CCDC40: variants seen among roughly 807,000 people sequenced by gnomAD.
The protein encoded by CCDC40 is coiled-coil domain-containing protein 40.
CCDC40 carries 104 observed loss-of-function variants against 124.5 expected under a neutral mutation model. That is an observed-to-expected ratio of 0.84 (90% CI 0.71 to 0.98). CCDC40 has a LOEUF of 0.98. Ranked by LOEUF, CCDC40 falls within the 50% of genes least tolerant of loss-of-function variation. The pLI is 0.00. For synonymous variants in CCDC40, 580 were observed against 602.9 expected (o/e 0.96, Z 0.56); for missense variants, 1,463 against 1,503.9 (o/e 0.97, Z 0.45).
chr17:80,051,332 A>G, intron 7 of CCDC40: 1 of 978,444 alleles, frequency 1.0e-6, no homozygotes, highest in Non-Finnish European at 1.2e-6. Context: ...GTGGGCACTT[A>G]TCAAGCACCT....
chr17:80,048,656 G>A lies in CCDC40; in HGVS notation c.750G>A (p.Gln250=). The stretch of plus-strand genomic sequence containing the variant: ...CAGTGTTCCAGGACCAGATCCAGCA[G>A]CCCAGCACCGAGGAGGGGGCCATGG... ...DLPVFQDQIQ[Q]PSTEEGAMAE... The change falls in exon 5 of 20, where the codon CAG becomes CAA. Residue 250 remains glutamine, a synonymous_variant. Transcript: ENST00000397545. The A allele has an allele frequency of 6.2e-7, 1 of 1,614,108 alleles. No homozygotes were observed. The highest frequency in any genetic ancestry group is 8.5e-7 in the Non-Finnish European group (1 of 1,180,022).
chr17:80,037,358 A>G (rs1381576241), intron 1 of CCDC40, among the ~76,000 whole-genome samples: 1 of 152,176 alleles, frequency 6.6e-6, no homozygotes, highest in Non-Finnish European at 1.5e-5. Context: ...ACGATTGGAA[A>G]GAGTTTGGCC....
rs745594044 is a variant in CCDC40, at chr17:80,095,337, G to T, written c.2907G>T (p.Glu969Asp). Residue 969 changes from glutamate (E) to aspartate (D), a missense_variant, in exon 18 of 20, where the codon GAG (glutamate) becomes GAT (aspartate). By Grantham distance (45) the Glu-to-Asp change is conservative (BLOSUM62 2). Transcript: ENST00000397545. ...TGGAGTTGGCGGTTGCCCGCAGAGA[G>T]ACCGTCACCACCCAGGCCGAGGGGC... ...RAMELAVARR[E>D]TVTTQAEGQR... The T allele has an allele frequency of 6.2e-7, 1 of 1,614,134 alleles. No homozygotes were observed.
chr17:80,048,597 G>T lies in CCDC40; in HGVS notation c.691G>T (p.Val231Leu), dbSNP rs2037491545. 6.2e-7 allele frequency: 1 copy of T among 1,613,748 alleles called. No homozygotes were observed. Among genetic ancestry groups the T allele is most frequent in the Non-Finnish European group, 8.5e-7 (1 of 1,179,904 alleles). Residue 231 changes from valine (V) to leucine (L), a missense_variant, in exon 5 of 20, where the codon GTG becomes TTG. By Grantham distance (32) the Val-to-Leu change is conservative. Transcript: ENST00000397545. ...VSQEPVIPPGVPDAHPREGDL... is the reference protein window; with the variant it reads ...VSQEPVIPPGLPDAHPREGDL... ...TCTCCCCCCAGTGATCCCCCCAGGG[G>T]TGCCCGATGCCCACCCCAGGGAAGG...
intron 7 of CCDC40, among the ~76,000 whole-genome samples, chr17:80,057,575 G>C (rs1277719381): frequency 1.3e-5 from 2 of 152,034 alleles, no homozygotes; most frequent in African/African-American, 2.4e-5. Flanking sequence ...TTGCACTCCA[G>C]CTTTAGAAAT....
intron 10 of CCDC40, chr17:80,067,821 A>C: frequency 6.9e-7 from 1 of 1,439,276 alleles, no homozygotes; most frequent in Non-Finnish European, 9.1e-7. Flanking sequence ...ACAGCTCAGC[A>C]TGTTGTCACA....
Position 80,090,279 on chromosome 17 carries a change from A to C in CCDC40, c.2832+395A>C. On this transcript the variant is annotated intron_variant, in intron 17 of 19. Coordinates refer to ENST00000397545, the MANE Select transcript of CCDC40 (RefSeq NM_017950.4). ...GGGACGCGCGCGGGCACGTGCACGAACAACACGGGACGCGCGCAGGCACGT... is the reference window on the plus strand; with the variant it reads ...GGGACGCGCGCGGGCACGTGCACGACCAACACGGGACGCGCGCAGGCACGT... 17 of 1,304,868 alleles carry C rather than the reference A, an allele frequency of 1.3e-5. 4 individuals are homozygous for C. The highest frequency in any genetic ancestry group is 8.9e-5 in the East Asian group (3 of 33,718). The allele number at this position is 1,304,868 out of a possible 1,614,324, so 80.8% of individuals were successfully genotyped here.
intron 18 of CCDC40, 72 bp downstream of exon 18, chr17:80,095,523 G>T: frequency 6.9e-7 from 1 of 1,458,380 alleles, no homozygotes. Context: ...CCAGGAAGGC[G>T]TCTTGCTGGG....
At chr17:80,067,086 C>T (rs556862944) in intron 10 of CCDC40, 1 of 160,282 alleles carries the variant, frequency 6.2e-6, no homozygotes, top group Non-Finnish European at 1.4e-5. Flanking sequence ...GCCAGGTTCT[C>T]TCTGAGGGTC....
chr17:80,069,811 AAAAAG>A (rs762364650), intron 10 of CCDC40, among the ~76,000 whole-genome samples: 2,205 of 152,042 alleles, frequency 0.015, 54 homozygotes, highest in African/African-American at 0.051. Context: ...AGAGAGAGAA[AAAAAG>A]AAAGAAAGAA....
rs548958287 is a variant in CCDC40, at chr17:80,066,321, G to A, written c.1562+715G>A. 11 of 585,378 alleles carry A rather than the reference G, an allele frequency of 1.9e-5. No homozygotes were observed. Among genetic ancestry groups the A allele is most frequent in the Non-Finnish European group, 3.1e-5 (10 of 325,152 alleles). The allele number at this position is 585,378 out of a possible 1,614,324, so 36.3% of individuals were successfully genotyped here. On this transcript the variant is annotated intron_variant, in intron 10 of 19. Transcript: ENST00000397545. The surrounding 1 kb of genome is among the most constrained non-coding windows in gnomAD (Gnocchi z 4.4). ...GGGTCTGGCTGGCCCCACAGCACCC[G>A]CAGCCAGGCAGCCAGCAGCAGTCAC... is the stretch of plus-strand genomic sequence containing the variant.
In CCDC40 at chr17:80,058,953, C is replaced by G; in HGVS notation, c.1413C>G (p.Thr471=). 6.2e-7 allele frequency: 1 copy of G among 1,614,134 alleles called. No individual in the cohort carries two copies. Among genetic ancestry groups the G allele is most frequent in the Non-Finnish European group, 8.5e-7 (1 of 1,180,016 alleles). ...AGTACTTGGCCCAAGCTGAGGACACCCGGATTTTAAGGAAAGCAGTGAGTG... is the reference window on the plus strand; with the variant it reads ...AGTACTTGGCCCAAGCTGAGGACACGCGGATTTTAAGGAAAGCAGTGAGTG... ...EAQYLAQAED[T]RILRKAVSEA... is the part of the protein sequence containing the mutation. The change falls in exon 9 of 20, where the codon ACC becomes ACG. Residue 471 remains threonine (T), a synonymous_variant. Coordinates refer to ENST00000397545, the MANE Select transcript of CCDC40 (RefSeq NM_017950.4). This position sits in a 1 kb window ranked among gnomAD's most constrained non-coding sequence, Gnocchi z 4.2.
chr17:80,039,734 A>G, intron 2 of CCDC40, 78 bp from the exon 3 acceptor site: 1 of 1,540,262 alleles, frequency 6.5e-7, no homozygotes, highest in South Asian at 1.2e-5. Context: ...CATTGATATA[A>G]TTACACTATA....
In CCDC40 at chr17:80,058,573, C is replaced by T. The variant is rs751991087; in HGVS notation, c.1239C>T (p.Asp413=). The T allele has an allele frequency of 6.2e-6, 10 of 1,613,886 alleles. No homozygotes were observed. The highest frequency in any genetic ancestry group is 2.2e-5 in the East Asian group (1 of 44,894). The part of the protein sequence containing the change: ...YMQNIDQDMR[D]DIRVMTQVVK... ...AGAACATCGACCAGGACATGCGTGA[C>T]GACATCCGCGTGATGACACAAGTGG... The change falls in exon 8 of 20, where the codon GAC becomes GAT. Residue 413 remains aspartate, a synonymous_variant. Transcript: ENST00000397545. This position sits in a 1 kb window ranked among gnomAD's most constrained non-coding sequence, Gnocchi z 4.2.
intron 9 of CCDC40, among the ~76,000 whole-genome samples, chr17:80,063,942 G>A (rs754020406): frequency 2.6e-5 from 4 of 152,136 alleles, no homozygotes; most frequent in Non-Finnish European, 4.4e-5. Flanking sequence ...TACATGTGTC[G>A]AAATATCACT....
intron 1 of CCDC40, among the ~76,000 whole-genome samples, chr17:80,037,688 A>AAAAATATATATAT: frequency 2.2e-5 from 1 of 45,678 alleles, no homozygotes; most frequent in African/African-American, 5.9e-5. Flanking sequence ...TTTTTTAAAA[A>AAAAATATATATAT]AGATATACAT....
At chr17:80,099,420 G>T (rs961995346) in intron 19 of CCDC40, 107 bp from the exon 20 acceptor site, 7 of 1,337,010 alleles carry the variant, frequency 5.2e-6, no homozygotes, top group Non-Finnish European at 2.1e-6. Context: ...TCAGGCGTAG[G>T]TCTCGCCTCC....
intron 9 of CCDC40, among the ~76,000 whole-genome samples, chr17:80,059,804 C>T (rs2037851228): frequency 1.3e-5 from 2 of 152,106 alleles, no homozygotes; most frequent in African/African-American, 4.8e-5. Flanking sequence ...AGGTGATCCA[C>T]CCACCTCGGC....
chr17:80,050,123 G>C lies in CCDC40; in HGVS notation c.999G>C (p.Glu333Asp), dbSNP rs773514459. The C allele has an allele frequency of 1.2e-6, 2 of 1,613,912 alleles. No homozygotes were observed. The highest frequency in any genetic ancestry group is 1.3e-5 in the African/African-American group (1 of 75,040). Residue 333 changes from glutamate to aspartate, a missense_variant, in exon 7 of 20, where the codon GAG becomes GAC. By Grantham distance (45) the Glu-to-Asp change is conservative. Coordinates refer to ENST00000397545, the MANE Select transcript of CCDC40 (RefSeq NM_017950.4). ...AGGAGCTGGGGGTGAATCTCTATGA[G>C]GTGCAGCAGCACCTGGTACACCTGC... is the stretch of plus-strand genomic sequence containing the variant. ...QRQELGVNLY[E>D]VQQHLVHLQK... is the part of the protein sequence containing the mutation.
Sources: allele counts gnomAD v4.1 joint callset (sites outside exome capture counted in the v4.1 genomes callset), GRCh38; gene constraint gnomAD v4.1.1; non-coding constraint Gnocchi (gnomAD v3.1); transcripts MANE v1.5; gene names NCBI Gene and HGNC (gene_info 2026-07-23, HGNC 2026-07-21).